DOCK3: variants seen among roughly 807,000 people sequenced by gnomAD.
The protein encoded by DOCK3 is dedicator of cytokinesis 3, also known as dedicator of cytokinesis protein 3.
DOCK3 carries 60 observed loss-of-function variants against 265.6 expected under a neutral mutation model. The observed-to-expected ratio is 0.23, with a 90% CI of 0.18 to 0.28. The LOEUF is 0.28. DOCK3 is among the 10% of genes least tolerant of loss of function. The pLI is 1.00. For synonymous variants in DOCK3, 881 were observed against 938.0 expected, an observed-to-expected ratio of 0.94 and a Z score of 1.11; for missense variants, 1,981 against 2,594.3, an observed-to-expected ratio of 0.76 and a Z score of 5.14.
chr3:50,998,853 G>A (rs1452274558), intron 5 of DOCK3, among the ~76,000 whole-genome samples: 1 of 152,196 alleles, frequency 6.6e-6, no homozygotes, highest in Admixed American at 6.5e-5. Context: ...AACTAATCCT[G>A]CAGTGTGATT....
chr3:51,121,887 CTCCATATTGCTTCAGAGAT>C (rs2084032973), intron 9 of DOCK3, among the ~76,000 whole-genome samples: 1 of 152,158 alleles, frequency 6.6e-6, no homozygotes, highest in Non-Finnish European at 1.5e-5. Flanking sequence ...ATTTTCATTA[CTCCATATTGCTTCAGAGAT>C]TCATAAGACA....
At position 50,711,818 on chromosome 3, in the gene DOCK3, C is replaced by G. The variant is rs532151236; in HGVS notation, c.37+36518C>G. ...CTGGGCTGTGCTTTTCTGGGCTGTG[C>G]TTTTTTTTGTAGGAAGTTTTAAAAG... is the stretch of plus-strand genomic sequence containing the variant. On this transcript the variant is annotated intron_variant, in intron 1 of 52. Transcript: ENST00000266037. Among the ~76,000 whole-genome samples the G allele has an allele frequency of 3.3e-5, 5 of 151,772 alleles. No individual in the cohort carries two copies. In the East Asian group the frequency reaches 9.7e-4, roughly 29 times the overall value.
intron 5 of DOCK3, among the ~76,000 whole-genome samples, chr3:51,031,475 CT>C (rs1476275099): frequency 1.3e-5 from 2 of 152,172 alleles, no homozygotes; most frequent in African/African-American, 4.8e-5. Context: ...TATGCCAGCA[CT>C]TATTTTCATC....
chr3:51,058,689 G>A (rs1274800426), intron 5 of DOCK3, among the ~76,000 whole-genome samples: 7 of 152,130 alleles, frequency 4.6e-5, no homozygotes, highest in African/African-American at 1.2e-4. Flanking sequence ...TCTGGAGGCT[G>A]AGAAGTCCAG....
At chr3:51,277,856 C>T in intron 26 of DOCK3, 102 bp downstream of exon 26, 3 of 1,537,874 alleles carry the variant, frequency 2.0e-6, no homozygotes, top group South Asian at 1.2e-5. Context: ...TCATCTCAGC[C>T]TTCCCTCCTG....
At chr3:51,066,840 A>G (rs188106584) in intron 6 of DOCK3, among the ~76,000 whole-genome samples, 1 of 152,198 alleles carries the variant, frequency 6.6e-6, no homozygotes, top group Non-Finnish European at 1.5e-5. Context: ...TGTTTTGTTT[A>G]ATTACACCCT....
chr3:51,153,446 G>A lies in DOCK3; in HGVS notation c.829-5798G>A, dbSNP rs551414648. ...CTTGGCTAAGAAAGGGAAATCCCCCGACCCATTGCACTTCCCAGGTGAAGC... is the reference window on the plus strand; with the variant it reads ...CTTGGCTAAGAAAGGGAAATCCCCCAACCCATTGCACTTCCCAGGTGAAGC... On this transcript the variant is annotated intron_variant, in intron 10 of 52. Transcript: ENST00000266037. 1.4e-4 allele frequency among the ~76,000 whole-genome samples: 21 copies of A among 152,266 alleles called. No individual in the cohort carries two copies. In the South Asian group the frequency reaches 2.9e-3, roughly 21 times the overall value.
intron 4 of DOCK3, among the ~76,000 whole-genome samples, chr3:50,896,910 G>T (rs898141920): frequency 6.6e-6 from 1 of 152,200 alleles, no homozygotes; most frequent in Non-Finnish European, 1.5e-5. Context: ...ATAGTTTGAA[G>T]TCAGGTAGTG....
intron 1 of DOCK3, among the ~76,000 whole-genome samples, chr3:50,733,002 G>T (rs2038316856): frequency 6.6e-6 from 1 of 152,010 alleles, no homozygotes; most frequent in Non-Finnish European, 1.5e-5. Context: ...GGCTGGTCTT[G>T]AACTCCTGAG....
intron 1 of DOCK3, among the ~76,000 whole-genome samples, chr3:50,749,516 A>G (rs906542746): frequency 8.5e-5 from 13 of 152,166 alleles, no homozygotes; most frequent in Non-Finnish European, 1.8e-4. Context: ...CTTAGTAAGG[A>G]TAGATATTTC....
intron 49 of DOCK3, among the ~76,000 whole-genome samples, chr3:51,364,754 G>T (rs1416739648): frequency 6.6e-6 from 1 of 152,150 alleles, no homozygotes; most frequent in African/African-American, 2.4e-5. Flanking sequence ...TTTCCCCATT[G>T]CTTGTTTTTG....
intron 5 of DOCK3, among the ~76,000 whole-genome samples, chr3:51,035,329 T>A (rs1480564305): frequency 6.6e-6 from 1 of 152,138 alleles, no homozygotes; most frequent in Non-Finnish European, 1.5e-5. Context: ...TCTTTCAAGT[T>A]CACCAACTCT....
chr3:51,250,297 TAATAAAA>T (rs1266111876), intron 22 of DOCK3, among the ~76,000 whole-genome samples: 3 of 7,676 alleles, frequency 3.9e-4, no homozygotes, highest in Non-Finnish European at 1.5e-3. Flanking sequence ...TTAAAAAAAA[TAATAAAA>T]AATAAAAAAC....
intron 1 of DOCK3, among the ~76,000 whole-genome samples, chr3:50,749,672 C>G (rs1425736298): frequency 3.9e-5 from 6 of 152,090 alleles, no homozygotes; most frequent in Non-Finnish European, 5.9e-5. Flanking sequence ...TCCTTATCAT[C>G]TAGTAACTCT....
At chr3:51,180,152 G>A (rs2087197433) in intron 12 of DOCK3, among the ~76,000 whole-genome samples, 1 of 147,014 alleles carries the variant, frequency 6.8e-6, no homozygotes, top group South Asian at 2.1e-4. Flanking sequence ...AGGTTGCAGT[G>A]AGCCGAGATC....
intron 2 of DOCK3, among the ~76,000 whole-genome samples, chr3:50,835,147 T>C (rs2045427546): frequency 6.6e-6 from 1 of 152,224 alleles, no homozygotes; most frequent in South Asian, 2.1e-4. Flanking sequence ...TTTCACAACT[T>C]GCACAAACCT....
At chr3:51,278,240 T>G in intron 26 of DOCK3, 1 of 985,382 alleles carries the variant, frequency 1.0e-6, no homozygotes, top group Non-Finnish European at 1.2e-6. Flanking sequence ...TATGATGAGG[T>G]AAATTTCACT....
intron 9 of DOCK3, among the ~76,000 whole-genome samples, chr3:51,143,742 A>G (rs1199593545): frequency 1.3e-5 from 2 of 152,020 alleles, no homozygotes; most frequent in Admixed American, 6.5e-5. Flanking sequence ...ATTTTTTCTT[A>G]GGTGAATGTT....
chr3:50,884,214 C>G (rs2048212466), intron 3 of DOCK3, among the ~76,000 whole-genome samples: 1 of 152,010 alleles, frequency 6.6e-6, no homozygotes, highest in Non-Finnish European at 1.5e-5. Flanking sequence ...TCTCAGCCTC[C>G]TGATTAGCTA....
Sources: gnomAD v4.1 joint callset for allele counts (sites outside exome capture counted in the v4.1 genomes callset) on GRCh38, gnomAD v4.1.1 for gene constraint, MANE v1.5 for transcripts, NCBI Gene and HGNC (gene_info 2026-07-23, HGNC 2026-07-21) for gene names.